The following GSG1L2 variants were observed in gnomAD, a reference collection of about 807,000 sequenced individuals.
GSG1L2 encodes GSG1 like 2, also known as germ cell-specific gene 1-like protein 2.
In GSG1L2, 15 loss-of-function variants were observed where a neutral mutation model predicts 9.0. The ratio of observed to expected loss-of-function variants is 1.67; its 90% CI spans 1.12 to 2.57. The LOEUF is 2.57. GSG1L2 is among the 30% of genes most tolerant of loss of function. GSG1L2 has a pLI of 0.00. For missense variants in GSG1L2, 286 were observed against 150.3 expected (o/e 1.90, Z -4.72); for synonymous variants, 127 against 57.9 (o/e 2.19, Z -5.41).
intron 1 of GSG1L2, among the ~76,000 whole-genome samples, chr17:9,816,517 C>CGTCTCTGTGTGT (rs1597944609): frequency 2.4e-5 from 1 of 41,124 alleles, no homozygotes; most frequent in East Asian, 4.3e-3. Flanking sequence ...TCTGTGTGTG[C>CGTCTCTGTGTGT]GTGTCTGTGT....
At chr17:9,810,327 G>T in intron 2 of GSG1L2, 1 of 569,758 alleles carries the variant, frequency 1.8e-6, no homozygotes, top group Non-Finnish European at 3.1e-6. Context: ...TTACACCATG[G>T]AACACGGCCA....
intron 1 of GSG1L2, among the ~76,000 whole-genome samples, chr17:9,815,615 A>G (rs548851581): frequency 2.0e-5 from 3 of 152,350 alleles, no homozygotes; most frequent in East Asian, 3.9e-4. Flanking sequence ...AAAATGTAAC[A>G]TATTACGGAA....
chr17:9,809,088 GAC>G, intron 2 of GSG1L2, 106 bp from the exon 3 acceptor site: 1 of 643,714 alleles, frequency 1.6e-6, no homozygotes. Context: ...ATGAAAAACA[GAC>G]ACGCTGGAGT....
chr17:9,811,052 TG>T (rs1268779459), intron 1 of GSG1L2: 2 of 169,486 alleles, frequency 1.2e-5, no homozygotes, highest in African/African-American at 4.8e-5. Context: ...CACTGGAATT[TG>T]GGGGGTTGTT....
Position 9,814,072 on chromosome 17 carries a change from T to C in GSG1L2, c.311-3454A>G, listed in dbSNP as rs1230651166. The stretch of plus-strand genomic sequence containing the variant: ...GCCTCAGCCTCCCAAGTAGCTGGGA[T>C]TACAGGCACCCGCCACTATGCCCAG... On this transcript the variant is annotated intron_variant, in intron 1 of 4. Coordinates refer to ENST00000399363, the MANE Select transcript of GSG1L2 (RefSeq NM_001310219.2). Among the ~76,000 whole-genome samples the C allele has an allele frequency of 5.9e-5, 9 of 152,042 alleles. No individual in the cohort carries two copies. In the East Asian group the frequency reaches 1.7e-3, roughly 29 times the overall value.
In GSG1L2 at chr17:9,802,543, T is replaced by C. The variant is rs1022549768; in HGVS notation, c.725A>G (p.Gln242Arg). 1.1e-5 allele frequency: 8 copies of C among 702,584 alleles called. No individual in the cohort carries two copies. The African/African-American group carries it at 1.2e-4, about 11-fold the overall frequency. 43.5% of individuals were successfully genotyped at this position (702,584 alleles called of 1,614,324 possible). A position where few individuals can be genotyped will look rare whatever the true frequency, so the allele number is the denominator to read the frequency against. ...RLEFTEKQQAQNGSRHSQHSF... is the reference protein window; with the variant it reads ...RLEFTEKQQARNGSRHSQHSF... ...GTGTTGAGAGTGCCGACTGCCGTTC[T>C]GTGCCTGCTGCTTCTCGGTGAATTC... is the stretch of plus-strand genomic sequence containing the variant. The change falls in exon 5 of 5, where the codon CAG becomes CGG. Residue 242 changes from glutamine (Q) to arginine (R), a missense_variant. By Grantham distance (43) the Gln-to-Arg change is conservative (BLOSUM62 1). Coordinates refer to ENST00000399363, the MANE Select transcript of GSG1L2 (RefSeq NM_001310219.2).
chr17:9,808,698 G>T, intron 3 of GSG1L2, 132 bp downstream of exon 3: 1 of 587,018 alleles, frequency 1.7e-6, no homozygotes, highest in Non-Finnish European at 3.0e-6. Context: ...ACTTATCCAG[G>T]GGACCACCCG....
At chr17:9,813,806 TC>T (rs2066548967) in intron 1 of GSG1L2, among the ~76,000 whole-genome samples, 1 of 152,266 alleles carries the variant, frequency 6.6e-6, no homozygotes, top group Non-Finnish European at 1.5e-5. Context: ...TCTGCCTGTT[TC>T]TGCCACGGTC....
chr17:9,818,501 A>ATTTTT (rs377057350), intron 1 of GSG1L2, among the ~76,000 whole-genome samples: 4,412 of 82,642 alleles, frequency 0.053, 389 homozygotes, highest in East Asian at 0.085. Flanking sequence ...ACACAGCTAA[A>ATTTTT]TTTTTTTTTT....
At chr17:9,816,574 C>CTGTGTCTG (rs139411396) in intron 1 of GSG1L2, among the ~76,000 whole-genome samples, 70,935 of 140,412 alleles carry the variant, frequency 0.51, 18,473 homozygotes, top group East Asian at 0.98. Flanking sequence ...ATATCTGTGT[C>CTGTGTCTG]TGTGTGTGCA....
At chr17:9,816,886 G>GTGTGTATCTGTGTGTGTGTCTC (rs2066568808) in intron 1 of GSG1L2, among the ~76,000 whole-genome samples, 4 of 144,824 alleles carry the variant, frequency 2.8e-5, no homozygotes, top group African/African-American at 1.1e-4. Flanking sequence ...GTGTATCTGT[G>GTGTGTATCTGTGTGTGTGTCTC]TGTGTGTATC....
At chr17:9,810,504 A>G (rs1214106618) in intron 2 of GSG1L2, 67 bp downstream of exon 2, 4 of 695,924 alleles carry the variant, frequency 5.7e-6, no homozygotes, top group Non-Finnish European at 1.0e-5. Flanking sequence ...CCTATTCCCA[A>G]TAAAACTATA....
chr17:9,806,407 C>T (rs1376484344), intron 4 of GSG1L2, among the ~76,000 whole-genome samples: 1 of 152,152 alleles, frequency 6.6e-6, no homozygotes, highest in South Asian at 2.1e-4. Flanking sequence ...AAGGGTGGCA[C>T]AGGGAGAGAA....
At chr17:9,816,386 GTGTC>G (rs1204938184) in intron 1 of GSG1L2, among the ~76,000 whole-genome samples, 4 of 151,276 alleles carry the variant, frequency 2.6e-5, no homozygotes, top group African/African-American at 9.8e-5. Context: ...GTGTGCGTGT[GTGTC>G]TGTGTCTGTG....
rs552392951 is a variant in GSG1L2 at position 9,809,405 on chromosome 17, G to C, written c.359-423C>G. The C allele has an allele frequency of 6.3e-5, 13 of 207,302 alleles. No homozygotes were observed. The East Asian group carries it at 1.4e-3, about 22-fold the overall frequency. The allele number at this position is 207,302 out of a possible 1,614,324, so 12.8% of individuals were successfully genotyped here. A position where few individuals can be genotyped will look rare whatever the true frequency, so the allele number is the denominator to read the frequency against. On this transcript the variant is annotated intron_variant, in intron 2 of 4. Coordinates refer to ENST00000399363, the MANE Select transcript of GSG1L2 (RefSeq NM_001310219.2). ...CTCTTAAAGGTGGCACAGACCCAAA[G>C]AGTGAGCGGTAGCAAGGTTTATTGT...
At position 9,802,626 on chromosome 17, in the gene GSG1L2, G is replaced by A. The variant is rs981361442; in HGVS notation, c.642C>T (p.Phe214=). Residue 214 remains phenylalanine (F), a synonymous_variant, in exon 5 of 5, where the codon TTC becomes TTT. Coordinates refer to ENST00000399363, the MANE Select transcript of GSG1L2 (RefSeq NM_001310219.2). ...AGACCGACACAGCCAGGCAGAGGGC[G>A]AAAGAACCCCAGGCAAGGCTGTCAA... ...GWSYCLAWGS[F]ALCLAVSVSA... is the part of the protein sequence containing the mutation. 4.1e-5 allele frequency: 29 copies of A among 702,806 alleles called. No homozygotes were observed. Among genetic ancestry groups the A allele is most frequent in the African/African-American group, 3.3e-4 (19 of 57,220 alleles). The allele number at this position is 702,806 out of a possible 1,614,324, so 43.5% of individuals were successfully genotyped here.
At chr17:9,818,330 GT>G (rs2066575552) in intron 1 of GSG1L2, among the ~76,000 whole-genome samples, 1 of 151,482 alleles carries the variant, frequency 6.6e-6, no homozygotes, top group African/African-American at 2.4e-5. Context: ...TTTAGTTTTA[GT>G]TTTGTTTTGT....
chr17:9,821,710 C>T, intron 1 of GSG1L2, 52 bp downstream of exon 1: 1 of 688,232 alleles, frequency 1.5e-6, no homozygotes, highest in South Asian at 1.5e-5. Context: ...GGCTCCAGAG[C>T]CCCTGCCCCA....
intron 2 of GSG1L2, chr17:9,809,256 G>A (rs1567709558): frequency 2.3e-6 from 1 of 435,290 alleles, no homozygotes; most frequent in Non-Finnish European, 4.2e-6. Context: ...TATGAGTGGT[G>A]CTGGGGGTCT....
Sources: allele counts gnomAD v4.1 joint callset (sites outside exome capture counted in the v4.1 genomes callset), GRCh38; gene constraint gnomAD v4.1.1; transcripts MANE v1.5; gene names NCBI Gene and HGNC (gene_info 2026-07-23, HGNC 2026-07-21).